The following SLC35F1 variants were observed in gnomAD, a reference collection of about 807,000 sequenced individuals.
SLC35F1 encodes solute carrier family 35 member F1.
A neutral mutation model predicts 48.7 loss-of-function variants in SLC35F1; 14 were observed. The ratio of observed to expected loss-of-function variants is 0.29; its 90% CI spans 0.19 to 0.45. SLC35F1 has a LOEUF of 0.45. Among genes scored for constraint, SLC35F1 ranks in the 20% least tolerant of loss-of-function variants. SLC35F1 has a pLI of 1.00. For missense variants in SLC35F1, 404 were observed against 500.0 expected, an observed-to-expected ratio of 0.81 and a Z score of 1.83; for synonymous variants, 190 against 202.2, an observed-to-expected ratio of 0.94 and a Z score of 0.51.
intron 6 of SLC35F1, among the ~76,000 whole-genome samples, chr6:118,279,975 T>G (rs1037516615): frequency 3.3e-5 from 5 of 152,202 alleles, no homozygotes; most frequent in Admixed American, 2.0e-4. Context: ...ATAAATATGT[T>G]TTCTATTTTT....
At chr6:118,080,697 T>C (rs996441139) in intron 1 of SLC35F1, among the ~76,000 whole-genome samples, 1 of 152,080 alleles carries the variant, frequency 6.6e-6, no homozygotes, top group Non-Finnish European at 1.5e-5. Flanking sequence ...TTGATTGAAA[T>C]AGTGATTGGG....
At chr6:117,949,991 A>G (rs11153710) in intron 1 of SLC35F1, among the ~76,000 whole-genome samples, 85,187 of 151,936 alleles carry the variant, frequency 0.56, 26,314 homozygotes, top group South Asian at 0.81. Context: ...TCTTTTGAGT[A>G]GCTCTTTTGG....
At chr6:117,966,153 C>CCCCT (rs1562250393) in intron 1 of SLC35F1, among the ~76,000 whole-genome samples, 5 of 134,774 alleles carry the variant, frequency 3.7e-5, no homozygotes, top group African/African-American at 1.5e-4. Context: ...ACTCCCGCCC[C>CCCCT]GCCCCAAGCA....
chr6:118,230,501 T>C (rs1775278750), intron 2 of SLC35F1, among the ~76,000 whole-genome samples: 2 of 152,132 alleles, frequency 1.3e-5, no homozygotes, highest in Admixed American at 1.3e-4. Context: ...TAGCTCTCCA[T>C]GAGACAACAA....
chr6:117,925,480 A>C (rs563571563), intron 1 of SLC35F1, among the ~76,000 whole-genome samples: 1 of 152,290 alleles, frequency 6.6e-6, no homozygotes, highest in East Asian at 1.9e-4. Context: ...TTAGCAACTG[A>C]TTGCATTGCT....
chr6:118,173,736 G>C (rs1156679801), intron 2 of SLC35F1, among the ~76,000 whole-genome samples: 2 of 152,156 alleles, frequency 1.3e-5, no homozygotes, highest in East Asian at 1.9e-4. Flanking sequence ...AGAACTGAGA[G>C]AAATCTTTTT....
At position 118,128,475 on chromosome 6, in the gene SLC35F1, G is replaced by C. The variant is rs1226066526; in HGVS notation, c.174-25970G>C. Among the ~76,000 whole-genome samples, 4 of 151,622 alleles carry C rather than the reference G, an allele frequency of 2.6e-5. No homozygotes were observed. The East Asian group carries it at 7.7e-4, about 29-fold the overall frequency. On this transcript the variant is annotated intron_variant, in intron 1 of 7. Transcript: ENST00000360388. ...ACACATATACACCATGGAATACTATGCAGCCATAAAAAATGATGAGTTCAT... is the reference window on the plus strand; with the variant it reads ...ACACATATACACCATGGAATACTATCCAGCCATAAAAAATGATGAGTTCAT...
intron 1 of SLC35F1, among the ~76,000 whole-genome samples, chr6:118,129,328 GAAGAAGC>G (rs368099200): frequency 0.019 from 2,962 of 152,216 alleles, 92 homozygotes; most frequent in African/African-American, 0.064. Context: ...GTGGGAATAC[GAAGAAGC>G]AGGCATAAAG....
chr6:117,923,680 T>TATACAC lies in SLC35F1; in HGVS notation c.173+15784_173+15785insCACATA, dbSNP rs1554216706. Among the ~76,000 whole-genome samples the TATACAC allele has an allele frequency of 3.3e-3, 37 of 11,330 alleles. 8 individuals carry two copies. The highest frequency in any genetic ancestry group is 3.7e-3 in the Non-Finnish European group (15 of 4,002). 7.4% of individuals were successfully genotyped at this position (11,330 alleles called of 152,430 possible). On this transcript the variant is annotated intron_variant, in intron 1 of 7. Transcript: ENST00000360388. The stretch of plus-strand genomic sequence containing the variant: ...ATATGTATATATACATATATGTACA[T>TATACAC]ATATACATATGTACATATACATATA...
intron 2 of SLC35F1, among the ~76,000 whole-genome samples, chr6:118,182,536 G>GAAGGAAGGAAGGAAGGAAGT (rs1774595960): frequency 8.0e-6 from 1 of 125,392 alleles, no homozygotes; most frequent in Non-Finnish European, 1.5e-5. Flanking sequence ...AGGAAGGAAG[G>GAAGGAAGGAAGGAAGGAAGT]AAGGAAGGAA....
intron 2 of SLC35F1, among the ~76,000 whole-genome samples, chr6:118,192,734 C>T (rs188936009): frequency 2.0e-3 from 311 of 152,174 alleles, no homozygotes; most frequent in Admixed American, 3.8e-3. Context: ...GAAGGTTAAA[C>T]ATTATCTTTT....
intron 2 of SLC35F1, among the ~76,000 whole-genome samples, chr6:118,184,480 T>C (rs1414041772): frequency 6.6e-6 from 1 of 152,202 alleles, no homozygotes; most frequent in African/African-American, 2.4e-5. Flanking sequence ...ACCAATGCCC[T>C]AACTCCACTT....
chr6:118,126,424 G>A (rs144162237), intron 1 of SLC35F1, among the ~76,000 whole-genome samples: 4,931 of 152,102 alleles, frequency 0.032, 132 homozygotes, highest in African/African-American at 0.068. Flanking sequence ...TGATGCCTCC[G>A]GCTTTGTTCT....
At chr6:118,118,584 C>T (rs1034103165) in intron 1 of SLC35F1, among the ~76,000 whole-genome samples, 1 of 152,182 alleles carries the variant, frequency 6.6e-6, no homozygotes, top group African/African-American at 2.4e-5. Context: ...TCACATGCTT[C>T]ATGCCCATTT....
intron 1 of SLC35F1, among the ~76,000 whole-genome samples, chr6:117,912,632 A>G (rs776486779): frequency 3.3e-5 from 5 of 150,154 alleles, no homozygotes; most frequent in Non-Finnish European, 7.4e-5. Flanking sequence ...AAAATATTCC[A>G]AGTGGAACTG....
At chr6:118,212,735 G>GAAGGAAGGA (rs763482870) in intron 2 of SLC35F1, among the ~76,000 whole-genome samples, 110 of 77,108 alleles carry the variant, frequency 1.4e-3, no homozygotes, top group African/African-American at 7.6e-3. Context: ...GGAAAGGAAG[G>GAAGGAAGGA]AAGGAAGGAA....
intron 1 of SLC35F1, among the ~76,000 whole-genome samples, chr6:118,131,870 TTGTCTCTA>T (rs1773718798): frequency 6.6e-6 from 1 of 152,038 alleles, no homozygotes; most frequent in Admixed American, 6.6e-5. Context: ...ATGAATCATT[TTGTCTCTA>T]TGCTTAGATC....
chr6:117,947,998 T>C (rs1776316461), intron 1 of SLC35F1, among the ~76,000 whole-genome samples: 1 of 152,042 alleles, frequency 6.6e-6, no homozygotes, highest in Non-Finnish European at 1.5e-5. Flanking sequence ...AGCAAAGAGA[T>C]TAAGAAGGAG....
At chr6:118,095,482 T>C (rs1012480609) in intron 1 of SLC35F1, among the ~76,000 whole-genome samples, 1 of 152,174 alleles carries the variant, frequency 6.6e-6, no homozygotes, top group African/African-American at 2.4e-5. Context: ...GATTTTTTTT[T>C]CCTTTTTCTT....
Sources: allele counts gnomAD v4.1 joint callset (sites outside exome capture counted in the v4.1 genomes callset), GRCh38; gene constraint gnomAD v4.1.1; transcripts MANE v1.5; gene names NCBI Gene and HGNC (gene_info 2026-07-23, HGNC 2026-07-21).